SYNE1: variants seen among roughly 807,000 people sequenced by gnomAD.
SYNE1 encodes the protein spectrin repeat containing nuclear envelope protein 1.
In SYNE1, 616 loss-of-function variants were observed where a neutral mutation model predicts 1,111.0. The observed-to-expected ratio is 0.55, with a 90% CI of 0.52 to 0.59. The LOEUF is 0.59. Ranked by LOEUF, SYNE1 falls within the 20% of genes least tolerant of loss-of-function variation. SYNE1 has a pLI of 0.00. For synonymous variants in SYNE1, 3,855 were observed against 3,825.8 expected (o/e 1.01, Z -0.28); for missense variants, 10,006 against 10,417.0 (o/e 0.96, Z 1.72).
intron 144 of SYNE1, 132 bp downstream of exon 144, chr6:152,131,990 A>C: frequency 4.3e-6 from 3 of 701,102 alleles, no homozygotes; most frequent in Non-Finnish European, 7.5e-6. Flanking sequence ...GGGCTGAGGA[A>C]GCGCGCTACC....
At position 152,447,577 on chromosome 6, in the gene SYNE1, G is replaced by A; in HGVS notation, c.3550C>T (p.Leu1184=). The A allele has an allele frequency of 6.2e-7, 1 of 1,614,156 alleles. No homozygotes were observed. The highest frequency in any genetic ancestry group is 8.5e-7 in the Non-Finnish European group (1 of 1,180,016). ...VTKRGETLSW[L]KSRLKVLTEV... is the part of the protein sequence containing the mutation. ...GTCAAAACTTTCAGCCTGGATTTCA[G>A]CCAGCTGAGGGTCTCACCCCTTTTG... Residue 1184 remains leucine (L), a synonymous_variant, in exon 29 of 146, where the codon CTG becomes TTG. Transcript: ENST00000367255.
intron 3 of SYNE1, among the ~76,000 whole-genome samples, chr6:152,600,511 G>A (rs113293559): frequency 6.6e-6 from 1 of 152,074 alleles, no homozygotes; most frequent in Non-Finnish European, 1.5e-5. Context: ...GGCTGATTAC[G>A]GATGAGTAGA....
rs1384388900 is a variant in SYNE1, at chr6:152,458,913, G to A, written c.2412C>T (p.Ser804=). 3.7e-6 allele frequency: 6 copies of A among 1,613,772 alleles called. No homozygotes were observed. Among genetic ancestry groups the A allele is most frequent in the Middle Eastern group, 1.6e-4 (1 of 6,082 alleles). The change falls in exon 22 of 146, where the codon TCC becomes TCT. Residue 804 remains serine, a synonymous_variant. Transcript: ENST00000367255. ...EQLTKVKECY[S]PLLYESQQLL... is the part of the protein sequence containing the mutation. ...GCTGCTGAGACTCATAAAGGAGTGGGGAGTAACATTCTTTGACCTTTAAAA... is the reference window on the plus strand; with the variant it reads ...GCTGCTGAGACTCATAAAGGAGTGGAGAGTAACATTCTTTGACCTTTAAAA...
chr6:152,565,054 T>C (rs2099408082), intron 3 of SYNE1, among the ~76,000 whole-genome samples: 1 of 152,222 alleles, frequency 6.6e-6, no homozygotes, highest in South Asian at 2.1e-4. Context: ...GCAATTAACT[T>C]CTCTTAAGGG....
intron 100 of SYNE1, among the ~76,000 whole-genome samples, chr6:152,265,187 C>T (rs1017773609): frequency 4.5e-5 from 6 of 134,034 alleles, no homozygotes; most frequent in South Asian, 2.3e-4. Context: ...GCCTGGGCAA[C>T]GCAGCAAGAC....
chr6:152,341,974 A>T (rs991056460), intron 74 of SYNE1, among the ~76,000 whole-genome samples: 5 of 152,240 alleles, frequency 3.3e-5, no homozygotes, highest in Admixed American at 2.6e-4. Context: ...AAGAAATAAC[A>T]ACAAAAAATA....
chr6:152,231,784 A>ATGTGTGTGTG (rs369191135), intron 113 of SYNE1, among the ~76,000 whole-genome samples: 189 of 148,940 alleles, frequency 1.3e-3, no homozygotes, highest in African/African-American at 4.5e-3. Context: ...ATACGTGTGT[A>ATGTGTGTGTG]TGTGTGTGTG....
At chr6:152,430,780 C>T in intron 34 of SYNE1, 71 bp from the exon 35 acceptor site, 1 of 1,363,936 alleles carries the variant, frequency 7.3e-7, no homozygotes, top group Non-Finnish European at 1.0e-6. Context: ...ATACAATTAT[C>T]TGCAAAGAGG....
intron 11 of SYNE1, among the ~76,000 whole-genome samples, chr6:152,492,132 G>A (rs2098973800): frequency 6.6e-6 from 1 of 152,132 alleles, no homozygotes; most frequent in African/African-American, 2.4e-5. Flanking sequence ...CCCAGTTCAT[G>A]GCCTGTTTGG....
At chr6:152,155,538 T>C in intron 132 of SYNE1, 1 of 340,880 alleles carries the variant, frequency 2.9e-6, no homozygotes, top group South Asian at 2.6e-5. Flanking sequence ...CAGCACGATT[T>C]TCTGCCACCT....
chr6:152,398,705 A>G lies in SYNE1; in HGVS notation c.7264T>C (p.Phe2422Leu), dbSNP rs751841265. 2 of 1,613,948 alleles carry G rather than the reference A, an allele frequency of 1.2e-6. No individual in the cohort carries two copies. The highest frequency in any genetic ancestry group is 3.3e-4 in the Middle Eastern group (2 of 6,060). Residue 2422 changes from phenylalanine to leucine, a missense_variant, in exon 49 of 146, where the codon TTT becomes CTT. Physicochemically the swap from Phe to Leu is conservative, Grantham distance 22. This residue lies in a region of SYNE1 where 4,955 missense variants were observed against 5,017.2 expected (regional missense o/e 0.99). Transcript: ENST00000367255. Reference sequence around the variant, plus strand: ...TTTGCTGCTGCCTTTGCTCCCAAAAACCATTCTTGGAATTCCTGCATAGAC... The same window carrying G: ...TTTGCTGCTGCCTTTGCTCCCAAAAGCCATTCTTGGAATTCCTGCATAGAC... ...SESMQEFQEW[F>L]LGAKAAAKES... is the part of the protein sequence containing the mutation.
chr6:152,220,322 C>T (rs143968730), intron 119 of SYNE1, among the ~76,000 whole-genome samples: 1 of 151,978 alleles, frequency 6.6e-6, no homozygotes, highest in African/African-American at 2.4e-5. Flanking sequence ...TTCCTTAAAC[C>T]CTTAAGTAGG....
At chr6:152,128,889 G>A (rs2054452207) in intron 145 of SYNE1, 1 of 152,200 alleles carries the variant, frequency 6.6e-6, no homozygotes, top group East Asian at 1.9e-4. Flanking sequence ...CAGAGGTACC[G>A]ACGGTAACGA....
chr6:152,173,092 G>A (rs2065600044), intron 130 of SYNE1, among the ~76,000 whole-genome samples: 1 of 152,156 alleles, frequency 6.6e-6, no homozygotes, highest in African/African-American at 2.4e-5. Context: ...AAAAGTAACT[G>A]AGCAACTTTT....
intron 12 of SYNE1, among the ~76,000 whole-genome samples, chr6:152,487,474 G>A (rs944613311): frequency 1.3e-5 from 2 of 152,104 alleles, no homozygotes; most frequent in Admixed American, 1.3e-4. Context: ...TTGATTCTGT[G>A]TCTTTGCTAT....
intron 3 of SYNE1, among the ~76,000 whole-genome samples, chr6:152,557,824 C>T (rs911994135): frequency 5.3e-5 from 8 of 152,024 alleles, no homozygotes; most frequent in Non-Finnish European, 1.0e-4. Flanking sequence ...TGTTAGAGTT[C>T]TTTGAGTTAA....
chr6:152,221,443 C>T lies in SYNE1; in HGVS notation c.21639G>A (p.Leu7213=), dbSNP rs886043685. Reference sequence around the variant, plus strand: ...CTCCATACCTCATGTTGACTTCTTTCAGTGTATTGGTAAGAGTTTCTGTCA... The same window carrying T: ...CTCCATACCTCATGTTGACTTCTTTTAGTGTATTGGTAAGAGTTTCTGTCA... ...PPVTETLTNT[L]KEVNMRWNNL... The change falls in exon 118 of 146, where the codon CTG becomes CTA. Residue 7213 remains leucine, a synonymous_variant. Transcript: ENST00000367255. 1.2e-6 allele frequency: 2 copies of T among 1,613,856 alleles called. No individual in the cohort carries two copies. Among genetic ancestry groups the T allele is most frequent in the Non-Finnish European group, 1.7e-6 (2 of 1,179,920 alleles).
At chr6:152,372,908 C>T in intron 59 of SYNE1, 129 bp downstream of exon 59, 1 of 983,426 alleles carries the variant, frequency 1.0e-6, no homozygotes. Flanking sequence ...CCATTGTCTT[C>T]TTATGTTCTG....
Position 152,362,309 on chromosome 6 carries a change from G to T in SYNE1, c.10160C>A (p.Ala3387Asp). ...GIRCKSQLEG[A>D]LSKWTSYQDG... Reference sequence around the variant, plus strand: ...CTGATAACTTGTCCACTTGGAGAGAGCTCCTTCGAGTTGGCTGAAAGGGAT... The same window carrying T: ...CTGATAACTTGTCCACTTGGAGAGATCTCCTTCGAGTTGGCTGAAAGGGAT... Residue 3387 changes from alanine (A) to aspartate (D), a missense_variant, in exon 64 of 146, where the codon GCT (alanine) becomes GAT (aspartate). By Grantham distance (126) the Ala-to-Asp change is moderately radical. Transcript: ENST00000367255. The T allele has an allele frequency of 6.2e-7, 1 of 1,614,224 alleles. No individual in the cohort carries two copies. Among genetic ancestry groups the T allele is most frequent in the Non-Finnish European group, 8.5e-7 (1 of 1,180,044 alleles).
Sources: gnomAD v4.1 joint callset for allele counts (sites outside exome capture counted in the v4.1 genomes callset) on GRCh38, gnomAD v4.1.1 for gene constraint, gnomAD v4.1.1 regional missense constraint, MANE v1.5 for transcripts, NCBI Gene and HGNC (gene_info 2026-07-23, HGNC 2026-07-21) for gene names.